The following CWF19L1 variants were observed in gnomAD, a reference collection of about 807,000 sequenced individuals.
CWF19L1 encodes the protein CWF19 like cell cycle control factor 1.
In CWF19L1, 60 loss-of-function variants were observed where a neutral mutation model predicts 69.7. The observed-to-expected ratio is 0.86, with a 90% CI of 0.70 to 1.07. CWF19L1 has a LOEUF of 1.07. Ranked by LOEUF, CWF19L1 falls within the 50% of genes least tolerant of loss-of-function variation. The pLI is 0.00. For synonymous variants in CWF19L1, 209 were observed against 222.2 expected (o/e 0.94, Z 0.53); for missense variants, 591 against 638.9 (o/e 0.92, Z 0.81).
At chr10:100,251,874 T>G (rs1847048035) in intron 6 of CWF19L1, among the ~76,000 whole-genome samples, 1 of 152,136 alleles carries the variant, frequency 6.6e-6, no homozygotes. Flanking sequence ...CTGTGTAAGT[T>G]TTGAGTGGCT....
intron 7 of CWF19L1, among the ~76,000 whole-genome samples, chr10:100,247,202 A>G (rs1380019186): frequency 6.6e-6 from 1 of 152,170 alleles, no homozygotes; most frequent in Non-Finnish European, 1.5e-5. Flanking sequence ...TCACTCGGAT[A>G]ATGGAATAGT....
chr10:100,252,303 C>T (rs1402549198), intron 6 of CWF19L1, among the ~76,000 whole-genome samples: 5 of 151,924 alleles, frequency 3.3e-5, no homozygotes, highest in South Asian at 2.1e-4. Flanking sequence ...GGTGTGGTGG[C>T]GGTCGCCTGT....
At chr10:100,264,552 A>T (rs1415182029) in intron 1 of CWF19L1, among the ~76,000 whole-genome samples, 16 of 151,926 alleles carry the variant, frequency 1.1e-4, no homozygotes, top group African/African-American at 3.9e-4. Context: ...CTCAAAAAAA[A>T]AAAAATATAT....
rs545958682 is a variant in CWF19L1 at position 100,253,704 on chromosome 10, C to T, written c.505-165G>A. 3 of 536,742 alleles carry T rather than the reference C, an allele frequency of 5.6e-6. No individual in the cohort carries two copies. The South Asian group carries it at 8.1e-5, about 15-fold the overall frequency. The allele number at this position is 536,742 out of a possible 1,614,324, so 33.2% of individuals were successfully genotyped here. A position where few individuals can be genotyped will look rare whatever the true frequency, so the allele number is the denominator to read the frequency against. On this transcript the variant is annotated intron_variant, in intron 5 of 13. Transcript: ENST00000354105. ...TAAGTATGGCAATCAGAGAAAAAATCTTAACAAATAAGGGAGCTGAACTAC... is the reference window on the plus strand; with the variant it reads ...TAAGTATGGCAATCAGAGAAAAAATTTTAACAAATAAGGGAGCTGAACTAC...
At chr10:100,266,693 T>TGTGTGTG (rs1554907499) in intron 1 of CWF19L1, among the ~76,000 whole-genome samples, 3,928 of 149,894 alleles carry the variant, frequency 0.026, 79 homozygotes, top group Middle Eastern at 0.052. Context: ...TTTTTTTTTT[T>TGTGTGTG]TGTATTAGTA....
At chr10:100,258,163 G>A (rs1468316075) in intron 4 of CWF19L1, among the ~76,000 whole-genome samples, 5 of 152,110 alleles carry the variant, frequency 3.3e-5, no homozygotes, top group African/African-American at 7.2e-5. Flanking sequence ...GCTTGAATCC[G>A]GGAGGCAGAG....
At chr10:100,247,046 TAA>T in intron 7 of CWF19L1, 111 bp from the exon 8 acceptor site, 2 of 1,019,200 alleles carry the variant, frequency 2.0e-6, no homozygotes, top group Non-Finnish European at 2.7e-6. Flanking sequence ...TCAGTAAAAT[TAA>T]AAGAACAGCA....
At chr10:100,265,348 G>A (rs1847539268) in intron 1 of CWF19L1, among the ~76,000 whole-genome samples, 2 of 151,724 alleles carry the variant, frequency 1.3e-5, no homozygotes, top group Non-Finnish European at 2.9e-5. Context: ...ATTTAATATA[G>A]GTGAAGTGTA....
At position 100,260,230 on chromosome 10, in the gene CWF19L1, T is replaced by C. The variant is rs759799940; in HGVS notation, c.277A>G (p.Ile93Val). 1.0e-5 allele frequency: 16 copies of C among 1,600,630 alleles called. No individual in the cohort carries two copies. Among genetic ancestry groups the C allele is most frequent in the Non-Finnish European group, 1.4e-5 (16 of 1,170,654 alleles). ...AGTATCAGCTTACCCAGATAAGTAA[T>C]GTTTTCAGCTAATTCACATCCATCA... The part of the protein sequence containing the change: ...DADGCELAEN[I>V]TYLGRKGIFT... Residue 93 changes from isoleucine (I) to valine (V), a missense_variant, in exon 4 of 14, where the codon ATT becomes GTT. Ile to Val is a conservative substitution (Grantham distance 29, BLOSUM62 3). Around this residue, in one of 3 missense-constraint regions of CWF19L1, gnomAD observed 129 missense variants for 131.3 expected, o/e 0.98. Transcript: ENST00000354105.
chr10:100,255,329 G>A (rs1197662105), intron 5 of CWF19L1, among the ~76,000 whole-genome samples: 1 of 152,010 alleles, frequency 6.6e-6, no homozygotes, highest in East Asian at 1.9e-4. Context: ...GACCAGCCTG[G>A]GCAACCCTGT....
chr10:100,235,758 G>T lies in CWF19L1; in HGVS notation c.1381C>A (p.Gln461Lys). 1 of 1,608,274 alleles carries T rather than the reference G, an allele frequency of 6.2e-7. No homozygotes were observed. Reference protein sequence around the residue: ...PEHSDIKQIAQPGAAYFYVEL... With the variant: ...PEHSDIKQIAKPGAAYFYVEL... ...ACATAAAAATATGCTGCTCCTGGCT[G>T]TGCAATCTAAAGTAAACAGAGTTGT... Residue 461 changes from glutamine (Q) to lysine (K), a missense_variant, in exon 13 of 14, where the codon CAG becomes AAG. Around this residue, in one of 3 missense-constraint regions of CWF19L1, gnomAD observed 458 missense variants for 489.3 expected, o/e 0.94. Coordinates refer to ENST00000354105, the MANE Select transcript of CWF19L1 (RefSeq NM_018294.6).
At chr10:100,237,708 A>G (rs1390054460) in intron 11 of CWF19L1, among the ~76,000 whole-genome samples, 1 of 151,868 alleles carries the variant, frequency 6.6e-6, no homozygotes, top group Non-Finnish European at 1.5e-5. Flanking sequence ...GTGCAGTGGC[A>G]CAATCTCGGC....
At chr10:100,237,051 T>G in intron 11 of CWF19L1, 82 bp from the exon 12 acceptor site, 1 of 1,486,898 alleles carries the variant, frequency 6.7e-7, no homozygotes, top group South Asian at 1.3e-5. Flanking sequence ...AAGTAGCAAA[T>G]CCATCACAGG....
chr10:100,238,928 T>C (rs1846544451), intron 10 of CWF19L1, among the ~76,000 whole-genome samples: 1 of 101,994 alleles, frequency 9.8e-6, no homozygotes. Context: ...CGAGACTCCG[T>C]CTCCAAAAAA....
chr10:100,248,732 C>A, intron 7 of CWF19L1: 1 of 1,181,776 alleles, frequency 8.5e-7, no homozygotes, highest in Non-Finnish European at 1.3e-6. Context: ...GAGCAAGCAG[C>A]CACCTTTGGG....
Position 100,235,680 on chromosome 10 carries a change from A to G in CWF19L1, c.1459T>C (p.Leu487=), listed in dbSNP as rs754302758. The part of the protein sequence containing the change: ...LFHRIKKNFP[L]QFGREVLASE... Reference sequence around the variant, plus strand: ...AGAAAAACATACCTTCCAAACTGCAAAGGAAAATTCTTTTTAATTCTGTGG... The same window carrying G: ...AGAAAAACATACCTTCCAAACTGCAGAGGAAAATTCTTTTTAATTCTGTGG... Residue 487 remains leucine (L), a synonymous_variant, in exon 13 of 14, where the codon TTG becomes CTG. Transcript: ENST00000354105. The G allele has an allele frequency of 1.2e-6, 2 of 1,610,770 alleles. No individual in the cohort carries two copies. Among genetic ancestry groups the G allele is most frequent in the Admixed American group, 3.3e-5 (2 of 59,992 alleles).
intron 13 of CWF19L1, 21 bp downstream of exon 13, chr10:100,235,646 T>G: frequency 6.4e-7 from 1 of 1,554,344 alleles, no homozygotes; most frequent in South Asian, 1.1e-5. Context: ...TGAAAATACA[T>G]TGAAAAGAAG....
intron 6 of CWF19L1, among the ~76,000 whole-genome samples, chr10:100,250,744 G>C (rs1846998781): frequency 6.6e-6 from 1 of 151,566 alleles, no homozygotes; most frequent in Admixed American, 6.6e-5. Context: ...CCAGGAGTTT[G>C]AGAACACCCT....
In CWF19L1 at chr10:100,265,238, T is replaced by C. The variant is rs1271387657; in HGVS notation, c.23+2333A>G. Among the ~76,000 whole-genome samples, 5 of 152,076 alleles carry C rather than the reference T, an allele frequency of 3.3e-5. No homozygotes were observed. In the East Asian group the frequency reaches 9.6e-4, roughly 29 times the overall value. On this transcript the variant is annotated intron_variant, in intron 1 of 13. Coordinates refer to ENST00000354105, the MANE Select transcript of CWF19L1 (RefSeq NM_018294.6). ...TGTACAATGTGTTTTATGTCTTAGCTGTGTTATAACAAGAGTCAAAAAGTG... is the reference window on the plus strand; with the variant it reads ...TGTACAATGTGTTTTATGTCTTAGCCGTGTTATAACAAGAGTCAAAAAGTG...
Sources: gnomAD v4.1 joint callset for allele counts (sites outside exome capture counted in the v4.1 genomes callset) on GRCh38, gnomAD v4.1.1 for gene constraint, gnomAD v4.1.1 regional missense constraint, MANE v1.5 for transcripts, NCBI Gene and HGNC (gene_info 2026-07-23, HGNC 2026-07-21) for gene names.